ABLIM3: variants seen among roughly 807,000 people sequenced by gnomAD.
The protein encoded by ABLIM3 is actin-binding LIM protein 3.
A neutral mutation model predicts 109.5 loss-of-function variants in ABLIM3; 61 were observed. That is an observed-to-expected ratio of 0.56 (90% CI 0.45 to 0.69). ABLIM3 has a LOEUF of 0.69. Ranked by LOEUF, ABLIM3 falls within the 30% of genes least tolerant of loss-of-function variation. ABLIM3 has a pLI of 0.00. For missense variants in ABLIM3, 796 were observed against 889.5 expected, an observed-to-expected ratio of 0.89 and a Z score of 1.34; for synonymous variants, 300 against 324.8, an observed-to-expected ratio of 0.92 and a Z score of 0.82.
chr5:149,151,188 G>A (rs1753400441), intron 2 of ABLIM3, among the ~76,000 whole-genome samples: 1 of 152,138 alleles, frequency 6.6e-6, no homozygotes, highest in South Asian at 2.1e-4. Flanking sequence ...CCTTTGCTTG[G>A]AGATGGCTGC....
chr5:149,161,990 A>T (rs1754415823), intron 2 of ABLIM3, among the ~76,000 whole-genome samples: 1 of 152,126 alleles, frequency 6.6e-6, no homozygotes, highest in Admixed American at 6.6e-5. Context: ...AAGTTTGGGC[A>T]CATTCCCCAA....
intron 6 of ABLIM3, among the ~76,000 whole-genome samples, chr5:149,207,632 A>G (rs1279134597): frequency 6.6e-6 from 1 of 152,144 alleles, no homozygotes; most frequent in African/African-American, 2.4e-5. Flanking sequence ...ATTTATCCCC[A>G]CTGAATACTC....
chr5:149,213,982 C>CA (rs34304547), intron 7 of ABLIM3, among the ~76,000 whole-genome samples: 1 of 151,638 alleles, frequency 6.6e-6, no homozygotes, highest in African/African-American at 2.4e-5. Context: ...GCTGCTGTAT[C>CA]TACCGATACC....
At chr5:149,203,359 T>C (rs1758661486) in intron 5 of ABLIM3, among the ~76,000 whole-genome samples, 1 of 151,918 alleles carries the variant, frequency 6.6e-6, no homozygotes, top group South Asian at 2.1e-4. Context: ...TGATTGACTG[T>C]TACTGTTGCC....
rs1395687067 is a variant in ABLIM3 at position 149,203,330 on chromosome 5, C to G, written c.448+2902C>G. Among the ~76,000 whole-genome samples the G allele has an allele frequency of 2.6e-5, 4 of 151,774 alleles. 1 individual carries two copies. Among genetic ancestry groups the G allele is most frequent in the African/African-American group, 9.7e-5 (4 of 41,270 alleles). Reference sequence around the variant, plus strand: ...ACCTCCATCACTACTACCACCATAACCACCATCATTGCTAACACTGATTGA... The same window carrying G: ...ACCTCCATCACTACTACCACCATAAGCACCATCATTGCTAACACTGATTGA... On this transcript the variant is annotated intron_variant, in intron 5 of 23. Coordinates refer to ENST00000309868, the MANE Select transcript of ABLIM3 (RefSeq NM_014945.5).
At chr5:149,182,258 G>C (rs1756533375) in intron 2 of ABLIM3, among the ~76,000 whole-genome samples, 1 of 152,126 alleles carries the variant, frequency 6.6e-6, no homozygotes, top group African/African-American at 2.4e-5. Context: ...TAAACGATAG[G>C]TACCAATTCC....
At chr5:149,163,519 G>C (rs575928760) in intron 2 of ABLIM3, among the ~76,000 whole-genome samples, 1 of 152,200 alleles carries the variant, frequency 6.6e-6, no homozygotes, top group African/African-American at 2.4e-5. Flanking sequence ...GGCAAGGTTG[G>C]TTTCTTCTGA....
At position 149,248,152 on chromosome 5, in the gene ABLIM3, A is replaced by G. The variant is rs1581238589; in HGVS notation, c.1699+223A>G. 2.0e-5 allele frequency among the ~76,000 whole-genome samples: 3 copies of G among 152,356 alleles called. 1 individual carries two copies. The South Asian group carries it at 6.2e-4, about 32-fold the overall frequency. ...GCTTCCTTGCCTGCTTTTATAAATT[A>G]GGTTCTATTGGAATGTAGCCAGCCC... On this transcript the variant is annotated intron_variant, in intron 18 of 23. Transcript: ENST00000309868.
intron 13 of ABLIM3, 124 bp downstream of exon 13, chr5:149,240,012 G>A: frequency 2.2e-6 from 3 of 1,362,522 alleles, no homozygotes; most frequent in Non-Finnish European, 1.9e-6. Flanking sequence ...GCCCTCTGGA[G>A]GCCTATGGCC....
intron 2 of ABLIM3, 70 bp downstream of exon 2, chr5:149,142,178 G>A (rs983222361): frequency 3.1e-6 from 5 of 1,587,902 alleles, no homozygotes. Context: ...GCCTGCGCTC[G>A]GGCTGCCTGG....
chr5:149,246,549 G>C lies in ABLIM3; in HGVS notation c.1551+3G>C. The C allele has an allele frequency of 6.2e-7, 1 of 1,614,042 alleles. No individual in the cohort carries two copies. Among genetic ancestry groups the C allele is most frequent in the Non-Finnish European group, 8.5e-7 (1 of 1,179,986 alleles). On this transcript the variant is annotated splice_donor_region_variant and intron_variant, in intron 17 of 23. Transcript: ENST00000309868. ...ATTTTGACCGCAGCATGCACAAGGT[G>C]GGCAGAGACCACAGCACTGAATATG...
At chr5:149,240,160 G>A (rs1391631083) in intron 13 of ABLIM3, among the ~76,000 whole-genome samples, 1 of 152,224 alleles carries the variant, frequency 6.6e-6, no homozygotes, top group East Asian at 1.9e-4. Flanking sequence ...TGTGGCCCTG[G>A]TGGAAGAAGA....
Position 149,259,813 on chromosome 5 carries a change from A to C in ABLIM3, c.*1409A>C. On this transcript the variant is annotated 3_prime_UTR_variant, in exon 24 of 24. Coordinates refer to ENST00000309868, the MANE Select transcript of ABLIM3 (RefSeq NM_014945.5). ...TGAAGAAGTGAAAATGACAATAATG[A>C]CTCTCAAGAGGCTGGCGATGTGACA... 2 of 573,706 alleles carry C rather than the reference A, an allele frequency of 3.5e-6. No individual in the cohort carries two copies. Among genetic ancestry groups the C allele is most frequent in the Non-Finnish European group, 3.1e-6 (1 of 323,256 alleles). The allele number at this position is 573,706 out of a possible 1,614,324, so 35.5% of individuals were successfully genotyped here.
chr5:149,257,564 T>C (rs1754547075), intron 23 of ABLIM3, among the ~76,000 whole-genome samples: 1 of 152,198 alleles, frequency 6.6e-6, no homozygotes, highest in African/African-American at 2.4e-5. Context: ...CATCTACCAT[T>C]CACTAAATAC....
chr5:149,257,375 A>G (rs1184785577), intron 23 of ABLIM3, among the ~76,000 whole-genome samples: 1 of 151,920 alleles, frequency 6.6e-6, no homozygotes, highest in Non-Finnish European at 1.5e-5. Context: ...TTTTCACTGA[A>G]TCTCCTTCAG....
chr5:149,240,558 C>A (rs766903016), intron 13 of ABLIM3, 118 bp from the exon 14 acceptor site: 2 of 794,682 alleles, frequency 2.5e-6, no homozygotes, highest in Non-Finnish European at 4.3e-6. Context: ...CTGAGACGCC[C>A]CAGCCCATCC....
chr5:149,245,722 C>T (rs1268646324), intron 16 of ABLIM3, among the ~76,000 whole-genome samples: 1 of 151,968 alleles, frequency 6.6e-6, no homozygotes, highest in African/African-American at 2.4e-5. Context: ...CTCAGTGGTC[C>T]TCAGATACCA....
intron 8 of ABLIM3, among the ~76,000 whole-genome samples, chr5:149,225,961 TGTGTGTG>T (rs1761162021): frequency 1.1e-5 from 1 of 87,964 alleles, no homozygotes. Flanking sequence ...ATATAATATG[TGTGTGTG>T]TGTGTGTGTG....
chr5:149,197,840 T>TA, intron 3 of ABLIM3, among the ~76,000 whole-genome samples: 2 of 152,324 alleles, frequency 1.3e-5, no homozygotes, highest in South Asian at 4.1e-4. Flanking sequence ...CAGTGCTTCT[T>TA]AGTGTGCATC....
Sources: allele counts gnomAD v4.1 joint callset (sites outside exome capture counted in the v4.1 genomes callset), GRCh38; gene constraint gnomAD v4.1.1; transcripts MANE v1.5; gene names NCBI Gene and HGNC (gene_info 2026-07-23, HGNC 2026-07-21).